EPHB1: variants seen among roughly 807,000 people sequenced by gnomAD.
EPHB1 encodes the protein EPH receptor B1, also known as ephrin type-B receptor 1.
A neutral mutation model predicts 94.4 loss-of-function variants in EPHB1; 30 were observed. That is an observed-to-expected ratio of 0.32 (90% CI 0.24 to 0.43). The LOEUF (loss-of-function observed/expected upper bound fraction) is 0.43, where lower values mean the gene tolerates loss of function less well. Ranked by LOEUF, EPHB1 falls within the 20% of genes least tolerant of loss-of-function variation. The pLI is 1.00. For missense variants in EPHB1, 1,055 were observed against 1,308.3 expected (o/e 0.81, Z 2.99); for synonymous variants, 522 against 489.1 (o/e 1.07, Z -0.89).
intron 3 of EPHB1, among the ~76,000 whole-genome samples, chr3:134,996,997 C>T (rs1161416846): frequency 6.6e-6 from 1 of 152,010 alleles, no homozygotes; most frequent in Non-Finnish European, 1.5e-5. Context: ...TTTGGAAGTT[C>T]CTCCTCACTC....
At chr3:135,027,990 A>T (rs1181762462) in intron 3 of EPHB1, among the ~76,000 whole-genome samples, 5 of 145,628 alleles carry the variant, frequency 3.4e-5, no homozygotes, top group East Asian at 2.1e-4. Context: ...CATTTCTTCT[A>T]GATTTTCTAG....
chr3:135,023,090 C>A (rs1289724194), intron 3 of EPHB1, among the ~76,000 whole-genome samples: 1 of 152,068 alleles, frequency 6.6e-6, no homozygotes, highest in Non-Finnish European at 1.5e-5. Flanking sequence ...TATCTGGTTT[C>A]TTCTTTTACT....
intron 5 of EPHB1, among the ~76,000 whole-genome samples, chr3:135,144,570 A>T (rs1156586539): frequency 6.6e-6 from 1 of 152,174 alleles, no homozygotes; most frequent in Non-Finnish European, 1.5e-5. Context: ...ACACATACAC[A>T]TCAAAGGTAA....
In EPHB1 at chr3:134,904,758, T is replaced by G. The variant is rs1437041272; in HGVS notation, c.59-21058T>G. Among the ~76,000 whole-genome samples the G allele has an allele frequency of 2.6e-5, 4 of 152,186 alleles. No homozygotes were observed. In the East Asian group the frequency reaches 7.7e-4, roughly 29 times the overall value. Reference sequence around the variant, plus strand: ...GATAGTCAGGGAAGACATCTGACTGTCATTTAGGAAACACAAACTTTAAAC... The same window carrying G: ...GATAGTCAGGGAAGACATCTGACTGGCATTTAGGAAACACAAACTTTAAAC... On this transcript the variant is annotated intron_variant, in intron 1 of 15. Transcript: ENST00000398015.
chr3:135,249,433 G>A lies in EPHB1; in HGVS notation c.2788G>A (p.Asp930Asn), dbSNP rs1242081780. ...LSAIKMVQYR[D>N]SFLTAGFTSL... is the part of the protein sequence containing the mutation. ...CGCCATCAAAATGGTCCAGTACAGG[G>A]ACAGCTTCCTCACTGCTGGCTTCAC... is the stretch of plus-strand genomic sequence containing the variant. Residue 930 changes from aspartate (D) to asparagine (N), a missense_variant, in exon 15 of 16, where the codon GAC (aspartate) becomes AAC (asparagine). Asp to Asn is a conservative substitution (Grantham distance 23). Coordinates refer to ENST00000398015, the MANE Select transcript of EPHB1 (RefSeq NM_004441.5). 3 of 1,613,912 alleles carry A rather than the reference G, an allele frequency of 1.9e-6. No individual in the cohort carries two copies. The highest frequency in any genetic ancestry group is 1.7e-6 in the Non-Finnish European group (2 of 1,179,912).
At chr3:134,924,622 C>T (rs1196697844) in intron 1 of EPHB1, among the ~76,000 whole-genome samples, 1 of 152,134 alleles carries the variant, frequency 6.6e-6, no homozygotes, top group Non-Finnish European at 1.5e-5. Context: ...AACTGGAACT[C>T]CCATAGACTC....
intron 4 of EPHB1, among the ~76,000 whole-genome samples, chr3:135,124,549 T>C (rs1384124814): frequency 6.6e-6 from 1 of 151,724 alleles, no homozygotes; most frequent in African/African-American, 2.4e-5. Flanking sequence ...CACTGCTCAA[T>C]TGGTAGTCCA....
intron 1 of EPHB1, among the ~76,000 whole-genome samples, chr3:134,908,822 A>G (rs2107693276): frequency 6.6e-6 from 1 of 152,258 alleles, no homozygotes; most frequent in South Asian, 2.1e-4. Flanking sequence ...GCTTCTTGTC[A>G]GAGTCCTTCA....
intron 15 of EPHB1, among the ~76,000 whole-genome samples, chr3:135,251,645 T>C (rs1933104285): frequency 6.6e-6 from 1 of 152,204 alleles, no homozygotes; most frequent in African/African-American, 2.4e-5. Flanking sequence ...GAATTCAAAA[T>C]TCAAGCATGC....
chr3:135,257,900 G>GGATATAATCTCGTGGT lies in EPHB1; in HGVS notation c.2847-1110_2847-1095dup, dbSNP rs553124324. Among the ~76,000 whole-genome samples the GGATATAATCTCGTGGT allele has an allele frequency of 3.0e-3, 456 of 152,302 alleles. 5 individuals carry two copies. Among genetic ancestry groups the GGATATAATCTCGTGGT allele is most frequent in the Non-Finnish European group, 3.8e-3 (259 of 68,028 alleles). On this transcript the variant is annotated intron_variant, in intron 15 of 15. Coordinates refer to ENST00000398015, the MANE Select transcript of EPHB1 (RefSeq NM_004441.5). Reference sequence around the variant, plus strand: ...CATAGGACCCTCCGAGCCAGGTGTGGGATATAATCTCGTGGTGCGCCGTGT... The same window carrying GGATATAATCTCGTGGT: ...CATAGGACCCTCCGAGCCAGGTGTGGGATATAATCTCGTGGTGATATAATCTCGTGGTGCGCCGTGT...
At chr3:135,127,081 A>C (rs1940236387) in intron 4 of EPHB1, among the ~76,000 whole-genome samples, 1 of 152,222 alleles carries the variant, frequency 6.6e-6, no homozygotes, top group Non-Finnish European at 1.5e-5. Context: ...TCTCTGACCT[A>C]CCATCTTTCA....
chr3:135,224,590 AAAT>A (rs1351672734), intron 12 of EPHB1, among the ~76,000 whole-genome samples: 2 of 152,238 alleles, frequency 1.3e-5, no homozygotes, highest in African/African-American at 4.8e-5. Flanking sequence ...ATCTACAGGA[AAAT>A]AATGTTAGGC....
At chr3:134,859,970 A>G (rs538050727) in intron 1 of EPHB1, among the ~76,000 whole-genome samples, 23 of 152,160 alleles carry the variant, frequency 1.5e-4, no homozygotes, top group Non-Finnish European at 2.6e-4. Context: ...CAGTGGCTGT[A>G]TAATATTTAA....
intron 12 of EPHB1, among the ~76,000 whole-genome samples, chr3:135,233,203 C>T (rs1248392833): frequency 6.6e-6 from 1 of 152,218 alleles, no homozygotes; most frequent in African/African-American, 2.4e-5. Flanking sequence ...GTCTCTTCCA[C>T]CTATGAGCCT....
At chr3:135,001,427 C>T (rs755280823) in intron 3 of EPHB1, among the ~76,000 whole-genome samples, 1 of 152,206 alleles carries the variant, frequency 6.6e-6, no homozygotes, top group Admixed American at 6.5e-5. Context: ...TCTATAGCCT[C>T]ATGGCTGTCA....
At chr3:135,218,618 G>C (rs905501726) in intron 12 of EPHB1, among the ~76,000 whole-genome samples, 20 of 152,204 alleles carry the variant, frequency 1.3e-4, no homozygotes, top group Non-Finnish European at 5.9e-5. Context: ...ATGTGGGAGG[G>C]GCCAGCCACC....
At chr3:134,983,544 G>A (rs779883838) in intron 3 of EPHB1, among the ~76,000 whole-genome samples, 1 of 152,252 alleles carries the variant, frequency 6.6e-6, no homozygotes, top group Non-Finnish European at 1.5e-5. Context: ...CAGAGGTGCT[G>A]TTTTAGAGCA....
At chr3:135,116,514 G>A (rs1939720010) in intron 4 of EPHB1, among the ~76,000 whole-genome samples, 1 of 152,146 alleles carries the variant, frequency 6.6e-6, no homozygotes, top group South Asian at 2.1e-4. Flanking sequence ...TTCACAGTGG[G>A]ATCTGAGCTG....
chr3:135,155,281 T>A (rs1941316743), intron 6 of EPHB1, among the ~76,000 whole-genome samples: 1 of 151,978 alleles, frequency 6.6e-6, no homozygotes, highest in Non-Finnish European at 1.5e-5. Context: ...GGGGTAGAGA[T>A]AGGCCTCTTG....
Sources: allele counts gnomAD v4.1 joint callset (sites outside exome capture counted in the v4.1 genomes callset), GRCh38; gene constraint gnomAD v4.1.1; transcripts MANE v1.5; gene names NCBI Gene and HGNC (gene_info 2026-07-23, HGNC 2026-07-21).